The following PKIG variants were observed in gnomAD, a reference collection of about 807,000 sequenced individuals.
PKIG encodes protein kinase (cAMP-dependent, catalytic) inhibitor gamma.
In PKIG, 1 loss-of-function variant was observed where a neutral mutation model predicts 6.8. That is an observed-to-expected ratio of 0.15 (90% CI 0.05 to 0.69). The LOEUF is 0.69. Among genes scored for constraint, PKIG ranks in the 30% least tolerant of loss-of-function variants. The pLI, the probability that PKIG is intolerant of heterozygous loss-of-function variation, is 0.82. For synonymous variants in PKIG, 39 were observed against 43.0 expected (o/e 0.91, Z 0.36); for missense variants, 77 against 104.0 (o/e 0.74, Z 1.13).
intron 1 of PKIG, among the ~76,000 whole-genome samples, chr20:44,538,881 A>C (rs1230184887): frequency 6.6e-6 from 1 of 151,650 alleles, no homozygotes; most frequent in Non-Finnish European, 1.5e-5. Flanking sequence ...TCTCAGCCTC[A>C]TCAGTATCTG....
At chr20:44,560,523 T>G (rs2064757189) in intron 1 of PKIG, among the ~76,000 whole-genome samples, 1 of 152,226 alleles carries the variant, frequency 6.6e-6, no homozygotes, top group Admixed American at 6.5e-5. Flanking sequence ...AAGCATTTGC[T>G]GATCCCGAGA....
intron 2 of PKIG, among the ~76,000 whole-genome samples, chr20:44,610,492 T>A (rs1006405443): frequency 1.3e-4 from 15 of 116,094 alleles, no homozygotes; most frequent in African/African-American, 5.4e-4. Context: ...CTCTTCTCTC[T>A]CTCTCTCTCA....
chr20:44,548,025 A>G (rs2064631941), intron 1 of PKIG, among the ~76,000 whole-genome samples: 2 of 152,012 alleles, frequency 1.3e-5, no homozygotes, highest in African/African-American at 4.8e-5. Context: ...TAAAAATACA[A>G]AAAATTAGCC....
intron 1 of PKIG, among the ~76,000 whole-genome samples, chr20:44,549,855 G>A (rs1253066569): frequency 6.6e-6 from 1 of 152,038 alleles, no homozygotes; most frequent in Non-Finnish European, 1.5e-5. Flanking sequence ...TTGAGAAAGT[G>A]ACAGAAAAGT....
At chr20:44,535,186 A>G (rs538696174) in intron 1 of PKIG, among the ~76,000 whole-genome samples, 38 of 152,316 alleles carry the variant, frequency 2.5e-4, no homozygotes, top group African/African-American at 9.1e-4. Flanking sequence ...CACACAGAGT[A>G]AGAGTTGGCT....
chr20:44,541,158 A>G (rs1463515503), intron 1 of PKIG, among the ~76,000 whole-genome samples: 1 of 152,232 alleles, frequency 6.6e-6, no homozygotes, highest in Non-Finnish European at 1.5e-5. Context: ...TAATCAGGAT[A>G]GGCTTAGGAC....
At chr20:44,563,134 C>T (rs1246069110) in intron 1 of PKIG, among the ~76,000 whole-genome samples, 2 of 152,070 alleles carry the variant, frequency 1.3e-5, no homozygotes, top group African/African-American at 2.4e-5. Flanking sequence ...GTCTACCAAG[C>T]ACTTAAGAGA....
At chr20:44,618,121 C>A (rs899220111) in intron 3 of PKIG, among the ~76,000 whole-genome samples, 164 bp from the exon 4 acceptor site, 2 of 150,742 alleles carry the variant, frequency 1.3e-5, no homozygotes, top group East Asian at 1.9e-4. Context: ...TGTTACAGAC[C>A]AGGCTAAAGT....
chr20:44,594,607 T>C (rs2065060143), intron 2 of PKIG, among the ~76,000 whole-genome samples: 1 of 152,208 alleles, frequency 6.6e-6, no homozygotes, highest in Non-Finnish European at 1.5e-5. Flanking sequence ...TAGCAATTGG[T>C]GGAGCCCCGA....
chr20:44,539,415 C>CT (rs2064540765), intron 1 of PKIG, among the ~76,000 whole-genome samples: 1 of 151,390 alleles, frequency 6.6e-6, no homozygotes, highest in Non-Finnish European at 1.5e-5. Context: ...TGTAAACTTT[C>CT]TTTCTTTGTT....
intron 1 of PKIG, among the ~76,000 whole-genome samples, chr20:44,575,932 C>T (rs2064893172): frequency 6.6e-6 from 1 of 152,180 alleles, no homozygotes; most frequent in Non-Finnish European, 1.5e-5. Flanking sequence ...CACACCATTC[C>T]TTGTCTCTCA....
chr20:44,572,727 T>G (rs189118764), intron 1 of PKIG, among the ~76,000 whole-genome samples: 2 of 152,254 alleles, frequency 1.3e-5, no homozygotes, highest in East Asian at 3.9e-4. Flanking sequence ...GCTTGGCCAT[T>G]GTTCAGATGC....
At chr20:44,586,262 A>G (rs1176327800) in intron 1 of PKIG, among the ~76,000 whole-genome samples, 1 of 152,238 alleles carries the variant, frequency 6.6e-6, no homozygotes, top group Non-Finnish European at 1.5e-5. Context: ...ACAAAAATAC[A>G]TGCTTAGGAT....
intron 1 of PKIG, among the ~76,000 whole-genome samples, chr20:44,543,355 C>T (rs150055708): frequency 1.7e-3 from 260 of 151,778 alleles, no homozygotes; most frequent in African/African-American, 5.9e-3. Context: ...AAAAGCACTT[C>T]TAAAATAACT....
intron 1 of PKIG, among the ~76,000 whole-genome samples, chr20:44,565,147 G>A (rs1187199503): frequency 6.6e-6 from 1 of 152,120 alleles, no homozygotes; most frequent in East Asian, 1.9e-4. Context: ...AAAGCAATAG[G>A]TTTTGTGTGT....
intron 2 of PKIG, among the ~76,000 whole-genome samples, chr20:44,612,261 C>T (rs2065226495): frequency 6.6e-6 from 1 of 152,146 alleles, no homozygotes; most frequent in South Asian, 2.1e-4. Flanking sequence ...CGATGCCTAA[C>T]CTCCTGGTGG....
intron 1 of PKIG, among the ~76,000 whole-genome samples, chr20:44,532,392 TA>T (rs773886771): frequency 1.3e-5 from 2 of 152,328 alleles, no homozygotes; most frequent in East Asian, 3.9e-4. Context: ...CTGATGACGT[TA>T]TTACAAGGTA....
intron 2 of PKIG, among the ~76,000 whole-genome samples, chr20:44,607,370 T>C (rs1023980102): frequency 2.5e-5 from 3 of 119,026 alleles, no homozygotes; most frequent in African/African-American, 7.9e-5. Flanking sequence ...TATATATATA[T>C]ATATATATTT....
At chr20:44,578,539 C>T (rs2064919796), upstream of PKIG, among the ~76,000 whole-genome samples, 1 of 151,926 alleles carries the variant, frequency 6.6e-6, no homozygotes. Context: ...TAAAAAGAAC[C>T]TGGCACTTCT....
Sources: allele counts gnomAD v4.1 joint callset (sites outside exome capture counted in the v4.1 genomes callset), GRCh38; gene constraint gnomAD v4.1.1; transcripts MANE v1.5; gene names NCBI Gene and HGNC (gene_info 2026-07-23, HGNC 2026-07-21).